LCORL: variants seen among roughly 807,000 people sequenced by gnomAD.
LCORL encodes the protein ligand-dependent nuclear receptor corepressor-like protein.
A neutral mutation model predicts 141.8 loss-of-function variants in LCORL; 41 were observed. The observed-to-expected ratio is 0.29, with a 90% CI of 0.23 to 0.38. The LOEUF (loss-of-function observed/expected upper bound fraction) is 0.38. Among genes scored for constraint, LCORL ranks in the 10% least tolerant of loss-of-function variants. The probability of loss-of-function intolerance (pLI) is 1.00; values close to 1 mark genes in which losing one functional copy is unlikely to be tolerated. For missense variants in LCORL, 1,759 were observed against 2,035.0 expected (o/e 0.86, Z 2.61); for synonymous variants, 618 against 694.1 (o/e 0.89, Z 1.72).
At chr4:17,942,993 A>G (rs1054836133) in intron 4 of LCORL, among the ~76,000 whole-genome samples, 33 of 152,132 alleles carry the variant, frequency 2.2e-4, no homozygotes, top group Non-Finnish European at 4.6e-4. Context: ...AATCTAACCA[A>G]TGCCTGATGA....
At chr4:17,931,914 G>A (rs1158784323) in intron 4 of LCORL, among the ~76,000 whole-genome samples, 1 of 152,010 alleles carries the variant, frequency 6.6e-6, no homozygotes, top group Non-Finnish European at 1.5e-5. Context: ...CTGTGTATTT[G>A]TCCTTCTGAA....
At chr4:17,916,144 T>C (rs551712155) in intron 4 of LCORL, among the ~76,000 whole-genome samples, 16 of 152,222 alleles carry the variant, frequency 1.1e-4, no homozygotes, top group Non-Finnish European at 1.9e-4. Context: ...TCATTCACCA[T>C]GATTGCGTCC....
intron 1 of LCORL, among the ~76,000 whole-genome samples, chr4:18,004,927 C>CT (rs553420080): frequency 1.2e-3 from 174 of 143,014 alleles, no homozygotes; most frequent in Admixed American, 4.1e-3. Context: ...GCAGTCAAAG[C>CT]TTTTTTTTTT....
chr4:17,942,555 T>A (rs933827170), intron 4 of LCORL, among the ~76,000 whole-genome samples: 2 of 152,196 alleles, frequency 1.3e-5, no homozygotes, highest in African/African-American at 4.8e-5. Flanking sequence ...TAGAAAATAC[T>A]GTAATAGGAT....
exon 7 of LCORL, chr4:17,874,247 T>C: frequency 8.1e-7 from 1 of 1,233,896 alleles, no homozygotes. Context: ...CATTTAAGAG[T>C]GGAGAGTTAG....
At chr4:17,937,308 T>C (rs1312266008) in intron 4 of LCORL, among the ~76,000 whole-genome samples, 1 of 152,106 alleles carries the variant, frequency 6.6e-6, no homozygotes, top group Admixed American at 6.5e-5. Flanking sequence ...CCATACTATA[T>C]CAGACAACTG....
chr4:17,923,720 T>C (rs913893657), intron 4 of LCORL, among the ~76,000 whole-genome samples: 3 of 151,850 alleles, frequency 2.0e-5, no homozygotes, highest in African/African-American at 4.8e-5. Context: ...CTTGGTTTAA[T>C]GTAGAGGAAG....
chr4:17,873,274 G>T, intron 7 of LCORL, 114 bp downstream of exon 7: 1 of 655,428 alleles, frequency 1.5e-6, no homozygotes, highest in Non-Finnish European at 2.2e-6. Context: ...AAATTAGGTT[G>T]TCCAAATATT....
At chr4:17,963,638 T>C (rs897051093) in intron 2 of LCORL, among the ~76,000 whole-genome samples, 4 of 139,152 alleles carry the variant, frequency 2.9e-5, no homozygotes, top group East Asian at 4.0e-4. Flanking sequence ...ATATAAAACA[T>C]AGATTTTTTT....
chr4:17,953,008 G>A (rs1236647903), intron 4 of LCORL, among the ~76,000 whole-genome samples: 1 of 148,272 alleles, frequency 6.7e-6, no homozygotes, highest in Non-Finnish European at 1.5e-5. Context: ...TTTTTTTCCT[G>A]TTCCTGCGTT....
intron 5 of LCORL, among the ~76,000 whole-genome samples, chr4:17,906,008 A>C (rs1455966748): frequency 6.6e-6 from 1 of 152,176 alleles, no homozygotes; most frequent in Non-Finnish European, 1.5e-5. Flanking sequence ...AACTCTTCTA[A>C]AGTATATTAT....
chr4:18,005,107 C>T (rs1042188610), intron 1 of LCORL, among the ~76,000 whole-genome samples: 6 of 152,052 alleles, frequency 3.9e-5, no homozygotes, highest in African/African-American at 9.7e-5. Context: ...TTAGTAGAGA[C>T]GGGATTTCTC....
chr4:17,993,031 C>T (rs946174011), intron 1 of LCORL, among the ~76,000 whole-genome samples: 1 of 151,976 alleles, frequency 6.6e-6, no homozygotes, highest in African/African-American at 2.4e-5. Context: ...CTAGGCAAAA[C>T]AAGGAACGGC....
intron 4 of LCORL, among the ~76,000 whole-genome samples, chr4:17,955,009 A>C (rs1712305799): frequency 1.3e-5 from 2 of 152,188 alleles, no homozygotes; most frequent in Admixed American, 1.3e-4. Flanking sequence ...AGTTATTATC[A>C]GCACACACAT....
chr4:17,863,124 C>T (rs566646370), intron 7 of LCORL, among the ~76,000 whole-genome samples: 3 of 152,070 alleles, frequency 2.0e-5, no homozygotes, highest in East Asian at 1.9e-4. Context: ...GAGACCAGCC[C>T]GGTCAACATG....
At chr4:17,944,022 T>A (rs921484800) in intron 4 of LCORL, among the ~76,000 whole-genome samples, 3 of 152,180 alleles carry the variant, frequency 2.0e-5, no homozygotes, top group Non-Finnish European at 2.9e-5. Flanking sequence ...GGTATCTTCT[T>A]TTAGTCTTAA....
chr4:17,899,750 A>C (rs1730595698), intron 5 of LCORL, among the ~76,000 whole-genome samples: 1 of 152,204 alleles, frequency 6.6e-6, no homozygotes, highest in African/African-American at 2.4e-5. Context: ...AGAAAAAAAC[A>C]AGAATTGACA....
intron 4 of LCORL, among the ~76,000 whole-genome samples, chr4:17,943,404 T>C (rs1039649415): frequency 1.3e-5 from 2 of 152,212 alleles, no homozygotes; most frequent in African/African-American, 2.4e-5. Context: ...TTAAAATTGG[T>C]AGTTCACAGA....
intron 7 of LCORL, among the ~76,000 whole-genome samples, chr4:17,847,078 C>T (rs1042959623): frequency 6.6e-6 from 1 of 152,178 alleles, no homozygotes; most frequent in Non-Finnish European, 1.5e-5. Context: ...ACGTGACAGT[C>T]AAAAGGGGAG....
Sources: allele counts gnomAD v4.1 joint callset (sites outside exome capture counted in the v4.1 genomes callset), GRCh38; gene constraint gnomAD v4.1.1; transcripts MANE v1.5; gene names NCBI Gene and HGNC (gene_info 2026-07-23, HGNC 2026-07-21).